DOCK2: variants seen among roughly 807,000 people sequenced by gnomAD.
The protein encoded by DOCK2 is dedicator of cytokinesis protein 2.
Under a neutral mutation model 248.9 loss-of-function variants are expected in DOCK2, and 87 were observed. The observed-to-expected ratio is 0.35, with a 90% CI of 0.29 to 0.42. DOCK2 has a LOEUF of 0.42. Ranked by LOEUF, DOCK2 falls within the 10% of genes least tolerant of loss-of-function variation. The pLI is 1.00. For synonymous variants in DOCK2, 805 were observed against 821.6 expected (o/e 0.98, Z 0.35); for missense variants, 1,747 against 2,300.2 (o/e 0.76, Z 4.92).
chr5:169,760,064 C>T lies in DOCK2; in HGVS notation c.2447+289C>T, dbSNP rs567206498. Among the ~76,000 whole-genome samples, 7 of 152,178 alleles carry T rather than the reference C, an allele frequency of 4.6e-5. No homozygotes were observed. In the South Asian group the frequency reaches 1.2e-3, roughly 27 times the overall value. ...TTTGAGATGAATGTTTCCATTTCAC[C>T]TGGGCCTGAAGGTTATTTTGGGTTC... is the stretch of plus-strand genomic sequence containing the variant. On this transcript the variant is annotated intron_variant, in intron 24 of 51. Transcript: ENST00000520908.
intron 27 of DOCK2, among the ~76,000 whole-genome samples, chr5:169,943,710 A>C (rs1299887370): frequency 6.6e-6 from 1 of 152,112 alleles, no homozygotes; most frequent in Non-Finnish European, 1.5e-5. Flanking sequence ...AATCAGCATC[A>C]CCTGGGAGCT....
chr5:169,928,261 C>T (rs531957654), intron 27 of DOCK2, among the ~76,000 whole-genome samples: 3 of 152,328 alleles, frequency 2.0e-5, no homozygotes, highest in South Asian at 2.1e-4. Flanking sequence ...ACAGGTCTTA[C>T]ACCAGATGGC....
chr5:169,710,525 A>T (rs367835303), intron 15 of DOCK2, among the ~76,000 whole-genome samples: 1 of 152,250 alleles, frequency 6.6e-6, no homozygotes, highest in South Asian at 2.1e-4. Flanking sequence ...AGATCGTCAC[A>T]CTAAGCAGAA....
chr5:170,067,754 G>A (rs1204437537), intron 45 of DOCK2, 68 bp downstream of exon 45: 3 of 1,534,850 alleles, frequency 2.0e-6, no homozygotes, highest in African/African-American at 2.7e-5. Context: ...GGACCCAGGG[G>A]GCAGATGCAG....
At chr5:170,056,810 T>C (rs1757147111) in intron 43 of DOCK2, 42 bp downstream of exon 43, 2 of 1,570,294 alleles carry the variant, frequency 1.3e-6, no homozygotes, top group Non-Finnish European at 1.7e-6. Flanking sequence ...TGGAGCCACC[T>C]GGAGGAACCA....
At chr5:169,809,827 C>G (rs957643991) in intron 26 of DOCK2, among the ~76,000 whole-genome samples, 1 of 152,248 alleles carries the variant, frequency 6.6e-6, no homozygotes, top group African/African-American at 2.4e-5. Flanking sequence ...TTCACACTGC[C>G]TGAATGCATC....
chr5:169,956,611 C>T (rs1314794097), intron 27 of DOCK2, among the ~76,000 whole-genome samples: 2 of 152,166 alleles, frequency 1.3e-5, no homozygotes, highest in Non-Finnish European at 2.9e-5. Flanking sequence ...TCCTGAAAAG[C>T]TATCTGCTAA....
chr5:169,638,021 A>C (rs1756934217), intron 1 of DOCK2, among the ~76,000 whole-genome samples: 1 of 152,142 alleles, frequency 6.6e-6, no homozygotes, highest in South Asian at 2.1e-4. Flanking sequence ...CTCTGCCTGG[A>C]GCTCAGGGGC....
intron 44 of DOCK2, among the ~76,000 whole-genome samples, chr5:170,062,051 G>A (rs1257473404): frequency 6.6e-6 from 1 of 152,048 alleles, no homozygotes; most frequent in Non-Finnish European, 1.5e-5. Context: ...TGCCCAGGGT[G>A]TGCATGTGTG....
chr5:170,013,324 C>T (rs538181647), intron 32 of DOCK2, among the ~76,000 whole-genome samples: 221 of 152,214 alleles, frequency 1.5e-3, no homozygotes, highest in Non-Finnish European at 2.6e-3. Flanking sequence ...CCAAAGATGT[C>T]CATGTCCTAA....
intron 44 of DOCK2, 89 bp downstream of exon 44, chr5:170,057,755 G>A (rs2113859185): frequency 8.3e-7 from 1 of 1,200,226 alleles, no homozygotes; most frequent in East Asian, 2.6e-5. Flanking sequence ...CTTTAAAAAG[G>A]AGACATGTTT....
chr5:169,866,956 A>G (rs1434252051), intron 27 of DOCK2, among the ~76,000 whole-genome samples: 3 of 152,194 alleles, frequency 2.0e-5, no homozygotes, highest in Admixed American at 6.5e-5. Context: ...TTGGGGGCTC[A>G]ATCCCACAAG....
intron 27 of DOCK2, among the ~76,000 whole-genome samples, chr5:169,939,464 T>C (rs550884026): frequency 1.3e-5 from 2 of 152,280 alleles, no homozygotes; most frequent in Non-Finnish European, 2.9e-5. Context: ...AGGAATACAC[T>C]CTAGACTGTG....
At position 169,712,224 on chromosome 5, in the gene DOCK2, G is replaced by T; in HGVS notation, c.1659+1G>T. ...ATTCCATGACTTAGTTGTCCTCAAGGTACCATGAGTTGGAAGGAGCTCTGC... is the reference window on the plus strand; with the variant it reads ...ATTCCATGACTTAGTTGTCCTCAAGTTACCATGAGTTGGAAGGAGCTCTGC... On this transcript the variant is annotated splice_donor_variant, in intron 17 of 51. Coordinates refer to ENST00000520908, the MANE Select transcript of DOCK2 (RefSeq NM_004946.3). LOFTEE classifies it high-confidence loss of function. 1 of 1,613,900 alleles carries T rather than the reference G, an allele frequency of 6.2e-7. No homozygotes were observed. Among genetic ancestry groups the T allele is most frequent in the Non-Finnish European group, 8.5e-7 (1 of 1,179,804 alleles).
chr5:169,948,152 A>T (rs771643449), intron 27 of DOCK2, among the ~76,000 whole-genome samples: 24 of 152,044 alleles, frequency 1.6e-4, no homozygotes, highest in Non-Finnish European at 3.5e-4. Context: ...AATTTCATCC[A>T]ACCTCTTCTC....
intron 2 of DOCK2, among the ~76,000 whole-genome samples, chr5:169,654,830 A>G (rs1324690747): frequency 6.6e-6 from 1 of 152,220 alleles, no homozygotes; most frequent in Non-Finnish European, 1.5e-5. Context: ...GAAGGGTCCC[A>G]TAAATCACAC....
At chr5:169,809,181 G>T (rs774862311) in intron 26 of DOCK2, among the ~76,000 whole-genome samples, 14 of 152,114 alleles carry the variant, frequency 9.2e-5, no homozygotes, top group South Asian at 2.1e-4. Flanking sequence ...AGTAGAGACG[G>T]CATTTTACCA....
intron 27 of DOCK2, among the ~76,000 whole-genome samples, chr5:169,854,897 G>A (rs1425607276): frequency 6.6e-6 from 1 of 152,246 alleles, no homozygotes; most frequent in Non-Finnish European, 1.5e-5. Flanking sequence ...CCTGCACAAT[G>A]TGCTCTGGGT....
intron 22 of DOCK2, among the ~76,000 whole-genome samples, chr5:169,746,894 A>G (rs1310204092): frequency 6.6e-6 from 1 of 152,078 alleles, no homozygotes; most frequent in Non-Finnish European, 1.5e-5. Flanking sequence ...ACAAAGGCTT[A>G]AGGTAATAAG....
Sources: allele counts gnomAD v4.1 joint callset (sites outside exome capture counted in the v4.1 genomes callset), GRCh38; gene constraint gnomAD v4.1.1; transcripts MANE v1.5; gene names NCBI Gene and HGNC (gene_info 2026-07-23, HGNC 2026-07-21).